Variants in CINP observed in about 807,000 individuals in gnomAD.
CINP encodes cyclin dependent kinase 2 interacting protein.
CINP carries 11 observed loss-of-function variants against 20.5 expected under a neutral mutation model. The ratio of observed to expected loss-of-function variants is 0.54; its 90% confidence interval spans 0.34 to 0.89. The LOEUF is 0.89. CINP is among the 40% of genes least tolerant of loss of function. The pLI is 0.02. For missense variants in CINP, 213 were observed against 251.0 expected (o/e 0.85, Z 1.02); for synonymous variants, 108 against 102.1 (o/e 1.06, Z -0.35).
intron 1 of CINP, among the ~76,000 whole-genome samples, chr14:102,360,194 C>T (rs921161693): frequency 1.3e-5 from 2 of 152,056 alleles, no homozygotes; most frequent in African/African-American, 2.4e-5. Flanking sequence ...CAATATCCAG[C>T]GAAAATGAAC....
At chr14:102,359,223 AC>A (rs1352422601) in intron 2 of CINP, among the ~76,000 whole-genome samples, 195 bp downstream of exon 2, 48 of 53,876 alleles carry the variant, frequency 8.9e-4, no homozygotes, top group African/African-American at 2.7e-3. Flanking sequence ...TAAATAAATA[AC>A]TAAATATATA....
intron 4 of CINP, among the ~76,000 whole-genome samples, chr14:102,349,115 G>A (rs1886810941): frequency 6.6e-6 from 1 of 152,186 alleles, no homozygotes; most frequent in Non-Finnish European, 1.5e-5. Flanking sequence ...CTAGCCAGGT[G>A]TGGTGGCACG....
Position 102,349,975 on chromosome 14 carries a change from T to A in CINP, c.380A>T (p.Tyr127Phe), listed in dbSNP as rs1886828913. 1.9e-6 allele frequency: 3 copies of A among 1,611,644 alleles called. No homozygotes were observed. The highest frequency in any genetic ancestry group is 1.3e-5 in the African/African-American group (1 of 74,836). ...KGICELENYH[Y>F]GEESKRPPLF... ...AGGGGGTCGTTTACTCTCCTCCCCA[T>A]AATGGTAGTTTTCTAGTTCACAAAT... is the stretch of plus-strand genomic sequence containing the variant. Residue 127 changes from tyrosine (Y) to phenylalanine (F), a missense_variant, in exon 4 of 5, where the codon TAT (tyrosine) becomes TTT (phenylalanine). Transcript: ENST00000216756.
chr14:102,348,659 G>A lies in CINP; in HGVS notation c.537C>T (p.Thr179=), dbSNP rs1384607969. ...GCAGCCACATGGACAGGTAGCTCAG[G>A]GTGAGGTCGGGATCCCCGGTGTGGG... ...ELAHTGDPDL[T]LSYLSMWLHQ... is the part of the protein sequence containing the mutation. The change falls in exon 5 of 5, where the codon ACC becomes ACT. Residue 179 remains threonine, a synonymous_variant. Coordinates refer to ENST00000216756, the MANE Select transcript of CINP (RefSeq NM_032630.3). 4 of 1,613,964 alleles carry A rather than the reference G, an allele frequency of 2.5e-6. No individual in the cohort carries two copies. Among genetic ancestry groups the A allele is most frequent in the Admixed American group, 1.7e-5 (1 of 59,988 alleles).
chr14:102,361,651 C>G (rs770449526), intron 1 of CINP, among the ~76,000 whole-genome samples: 21 of 150,226 alleles, frequency 1.4e-4, no homozygotes, highest in Non-Finnish European at 2.4e-4. Context: ...AAAAACAAAA[C>G]AAAACAAAAC....
At chr14:102,355,581 G>A (rs878963984) in intron 3 of CINP, 187 bp downstream of exon 3, 7 of 572,778 alleles carry the variant, frequency 1.2e-5, no homozygotes, top group African/African-American at 3.8e-5. Context: ...CCCGGATGAC[G>A]CACAGGAGGA....
chr14:102,348,378 G>C lies in CINP; in HGVS notation c.*179C>G, dbSNP rs550809996. 1 of 604,424 alleles carries C rather than the reference G, an allele frequency of 1.7e-6. No individual in the cohort carries two copies. The highest frequency in any genetic ancestry group is 2.8e-5 in the East Asian group (1 of 35,922). The allele number at this position is 604,424 out of a possible 1,614,324, so 37.4% of individuals were successfully genotyped here. ...GGCTGAGCAGCACCACGTGGGGCTG[G>C]CCGCGGGTTGTGGGCATGAGCACGC... is the stretch of plus-strand genomic sequence containing the variant. On this transcript the variant is annotated 3_prime_UTR_variant, in exon 5 of 5. Transcript: ENST00000216756.
chr14:102,359,069 C>T (rs746642655), intron 2 of CINP, among the ~76,000 whole-genome samples: 9 of 151,564 alleles, frequency 5.9e-5, no homozygotes, highest in African/African-American at 1.5e-4. Context: ...GGTGTGGTGA[C>T]GGGCGCCTGT....
chr14:102,356,651 T>C (rs1567306069), intron 2 of CINP, among the ~76,000 whole-genome samples: 1 of 152,248 alleles, frequency 6.6e-6, no homozygotes, highest in Non-Finnish European at 1.5e-5. Flanking sequence ...CAGCACCATT[T>C]TGCCAACAGC....
rs1338176003 is a variant in CINP, at chr14:102,348,542, A to T, written c.*15T>A. 6.2e-7 allele frequency: 1 copy of T among 1,602,504 alleles called. No homozygotes were observed. The highest frequency in any genetic ancestry group is 8.5e-7 in the Non-Finnish European group (1 of 1,175,976). On this transcript the variant is annotated 3_prime_UTR_variant, in exon 5 of 5. Coordinates refer to ENST00000216756, the MANE Select transcript of CINP (RefSeq NM_032630.3). ...AGACGTGGAAGGAGCCAGTGTCCGC[A>T]GCCGTCTCAGGACGTCAGAGAGCTC...
chr14:102,358,179 G>T (rs966055280), intron 2 of CINP, among the ~76,000 whole-genome samples: 2 of 152,234 alleles, frequency 1.3e-5, no homozygotes, highest in African/African-American at 4.8e-5. Flanking sequence ...GATGAGCAAA[G>T]AAGGTGGTTT....
chr14:102,352,510 A>T lies in CINP; in HGVS notation c.307-2462T>A, dbSNP rs1327870369. On this transcript the variant is annotated intron_variant, in intron 3 of 4. Transcript: ENST00000216756. ...GAAGAACGGTGCATGAAACCCCCAG[A>T]AGGTCAAAGTTATGAAAGACACAGA... 6.6e-6 allele frequency: 3 copies of T among 455,926 alleles called. No individual in the cohort carries two copies. The East Asian group carries it at 2.1e-4, about 32-fold the overall frequency. 28.2% of individuals were successfully genotyped at this position (455,926 alleles called of 1,614,324 possible).
At chr14:102,362,293 C>T (rs1438061873) in intron 1 of CINP, among the ~76,000 whole-genome samples, 1 of 152,188 alleles carries the variant, frequency 6.6e-6, no homozygotes, top group African/African-American at 2.4e-5. Context: ...GGTGAGGGCA[C>T]AGTGGCTAAG....
At chr14:102,354,494 C>T (rs550289038) in intron 3 of CINP, among the ~76,000 whole-genome samples, 7 of 152,178 alleles carry the variant, frequency 4.6e-5, no homozygotes, top group South Asian at 4.1e-4. Context: ...TGGTGGCTCA[C>T]GCCTGTAATC....
intron 1 of CINP, among the ~76,000 whole-genome samples, chr14:102,361,411 G>A (rs1431598858): frequency 1.3e-5 from 2 of 152,138 alleles, no homozygotes; most frequent in Non-Finnish European, 2.9e-5. Context: ...AGGCCAAGGC[G>A]GGCGGATCAC....
chr14:102,359,646 G>A (rs1179197552), intron 1 of CINP, 59 bp from the exon 2 acceptor site: 3 of 1,283,590 alleles, frequency 2.3e-6, no homozygotes, highest in South Asian at 1.5e-5. Flanking sequence ...ATAGTTGGAG[G>A]GCAAATGTCC....
In CINP at chr14:102,351,886, T is replaced by C. The variant is rs946331234; in HGVS notation, c.307-1838A>G. The stretch of plus-strand genomic sequence containing the variant: ...ACACCAAGTTTTTTTGTTTTTGTTT[T>C]TGTTTTTGTTTTTTTTGAGACAGAG... On this transcript the variant is annotated intron_variant, in intron 3 of 4. Transcript: ENST00000216756. The surrounding 1 kb of genome is among the most constrained non-coding windows in gnomAD (Gnocchi z 4.2). Among the ~76,000 whole-genome samples the C allele has an allele frequency of 6.6e-6, 1 of 152,072 alleles. No homozygotes were observed. The highest frequency in any genetic ancestry group is 1.5e-5 in the Non-Finnish European group (1 of 68,016).
chr14:102,359,394 G>A, intron 2 of CINP, 25 bp downstream of exon 2: 6 of 1,525,200 alleles, frequency 3.9e-6, no homozygotes, highest in Non-Finnish European at 5.3e-6. Flanking sequence ...AAAACTTAGA[G>A]CATGAAAAAC....
In CINP at chr14:102,348,522, TG is replaced by T; in HGVS notation, c.*34del. The T allele has an allele frequency of 6.4e-7, 1 of 1,572,330 alleles. No homozygotes were observed. Among genetic ancestry groups the T allele is most frequent in the Non-Finnish European group, 8.6e-7 (1 of 1,157,146 alleles). On this transcript the variant is annotated 3_prime_UTR_variant, in exon 5 of 5. Coordinates refer to ENST00000216756, the MANE Select transcript of CINP (RefSeq NM_032630.3). ...GGCAGACTGTCTGCCTGGTGAGACG[TG>T]GAAGGAGCCAGTGTCCGCAGCCGTC...
Sources: allele counts gnomAD v4.1 joint callset (sites outside exome capture counted in the v4.1 genomes callset), GRCh38; gene constraint gnomAD v4.1.1; non-coding constraint Gnocchi (gnomAD v3.1); transcripts MANE v1.5; gene names NCBI Gene and HGNC (gene_info 2026-07-23, HGNC 2026-07-21).